The following RHOT1 variants were observed in gnomAD, a reference collection of about 807,000 sequenced individuals.
RHOT1 encodes ras homolog family member T1, also known as mitochondrial Rho GTPase 1.
RHOT1 carries 27 observed loss-of-function variants against 95.3 expected under a neutral mutation model. The ratio of observed to expected loss-of-function variants is 0.28; its 90% confidence interval spans 0.21 to 0.39. RHOT1 has a LOEUF of 0.39. RHOT1 is among the 10% of genes least tolerant of loss of function. The probability of loss-of-function intolerance (pLI) is 1.00; values close to 1 mark genes in which losing one functional copy is unlikely to be tolerated. For synonymous variants in RHOT1, 227 were observed against 263.5 expected (o/e 0.86, Z 1.34); for missense variants, 578 against 786.7 (o/e 0.73, Z 3.17).
At chr17:32,156,961 A>G (rs2033029192) in intron 1 of RHOT1, among the ~76,000 whole-genome samples, 1 of 152,262 alleles carries the variant, frequency 6.6e-6, no homozygotes, top group East Asian at 1.9e-4. Flanking sequence ...CCAGTATTTT[A>G]TAGATGAATA....
intron 14 of RHOT1, 68 bp downstream of exon 14, chr17:32,201,124 C>A: frequency 1.1e-6 from 1 of 925,820 alleles, no homozygotes; most frequent in Non-Finnish European, 1.7e-6. Context: ...TCAAATGTAA[C>A]AAAGAGTAAG....
chr17:32,150,631 C>A lies in RHOT1; in HGVS notation c.37+7902C>A, dbSNP rs1348175707. 6.3e-6 allele frequency: 10 copies of A among 1,590,970 alleles called. No individual in the cohort carries two copies. In the Admixed American group the frequency reaches 1.4e-4, roughly 22 times the overall value. On this transcript the variant is annotated intron_variant, in intron 1 of 19. Transcript: ENST00000545287. ...TGTGAGTGAGAGATACTGATACAGACAGTGGAAAGAAGAGCTGGATATCTC... is the reference window on the plus strand; with the variant it reads ...TGTGAGTGAGAGATACTGATACAGAAAGTGGAAAGAAGAGCTGGATATCTC...
At chr17:32,218,502 G>A (rs1280107412) in intron 19 of RHOT1, among the ~76,000 whole-genome samples, 2 of 140,002 alleles carry the variant, frequency 1.4e-5, no homozygotes, top group Admixed American at 1.4e-4. Context: ...ATGAGATCCT[G>A]TCTGAAAAAA....
chr17:32,187,822 G>A (rs901547987), intron 8 of RHOT1, among the ~76,000 whole-genome samples: 3 of 152,284 alleles, frequency 2.0e-5, no homozygotes, highest in African/African-American at 4.8e-5. Context: ...GCCTGCCTTG[G>A]CCTTTCAAAG....
chr17:32,219,705 C>T (rs190788874), intron 19 of RHOT1, among the ~76,000 whole-genome samples: 3 of 152,330 alleles, frequency 2.0e-5, no homozygotes, highest in East Asian at 1.9e-4. Context: ...GAGAACTTGA[C>T]GTCTGATACA....
intron 1 of RHOT1, among the ~76,000 whole-genome samples, chr17:32,165,908 GGT>G (rs1391313325): frequency 6.6e-6 from 1 of 152,084 alleles, no homozygotes; most frequent in African/African-American, 2.4e-5. Context: ...TTATAGGCTA[GGT>G]GTGGTGGTGC....
At chr17:32,221,105 C>T (rs564616793) in intron 19 of RHOT1, 15 of 952,800 alleles carry the variant, frequency 1.6e-5, no homozygotes, top group African/African-American at 1.1e-4. Context: ...TGGTGGCTCA[C>T]GCCTGTAATC....
intron 19 of RHOT1, among the ~76,000 whole-genome samples, chr17:32,218,054 G>A (rs2038592244): frequency 6.6e-6 from 1 of 151,744 alleles, no homozygotes; most frequent in South Asian, 2.1e-4. Flanking sequence ...AGTAGAGACG[G>A]GTTTCACCAT....
At chr17:32,198,869 T>G in intron 11 of RHOT1, 78 bp from the exon 12 acceptor site, 1 of 926,076 alleles carries the variant, frequency 1.1e-6, no homozygotes, top group East Asian at 2.6e-5. Context: ...CACAAAAGAC[T>G]TGTTGCAATT....
intron 6 of RHOT1, among the ~76,000 whole-genome samples, chr17:32,182,151 G>A (rs1271427738): frequency 6.6e-6 from 1 of 152,000 alleles, no homozygotes; most frequent in Non-Finnish European, 1.5e-5. Context: ...TACTGAATTG[G>A]AAATTATTTT....
At position 32,225,481 on chromosome 17, in the gene RHOT1, G is replaced by A. The variant is rs1348574017; in HGVS notation, c.*748G>A. ...TACCAATGTTTTTAGTTTAAATAAA[G>A]AGTCACCCTTACTACTGTTGAATTT... On this transcript the variant is annotated 3_prime_UTR_variant, in exon 20 of 20. Transcript: ENST00000545287. 2.0e-5 allele frequency: 3 copies of A among 147,510 alleles called. No homozygotes were observed. The highest frequency in any genetic ancestry group is 7.3e-5 in the African/African-American group (3 of 41,058). 9.1% of individuals were successfully genotyped at this position (147,510 alleles called of 1,614,324 possible). A position where few individuals can be genotyped will look rare whatever the true frequency, so the allele number is the denominator to read the frequency against.
chr17:32,170,997 T>C, intron 1 of RHOT1, 46 bp from the exon 2 acceptor site: 1 of 1,407,504 alleles, frequency 7.1e-7, no homozygotes, highest in Non-Finnish European at 9.9e-7. Flanking sequence ...TTTGAGCTTA[T>C]GTAGAACCTA....
chr17:32,207,345 T>A, intron 17 of RHOT1: 1 of 227,030 alleles, frequency 4.4e-6, no homozygotes, highest in Non-Finnish European at 8.6e-6. Context: ...AAAAGAGTAG[T>A]ACATATGGAT....
chr17:32,208,411 C>A, intron 18 of RHOT1, 102 bp downstream of exon 18: 3 of 1,157,798 alleles, frequency 2.6e-6, no homozygotes, highest in Non-Finnish European at 3.8e-6. Flanking sequence ...AATTGTTCAG[C>A]AACAGAAAGA....
intron 4 of RHOT1, among the ~76,000 whole-genome samples, chr17:32,175,614 G>A (rs1229923589): frequency 6.6e-6 from 1 of 152,068 alleles, no homozygotes; most frequent in Admixed American, 6.6e-5. Flanking sequence ...GCACCACCAT[G>A]CCCAGCTAAT....
In RHOT1 at chr17:32,171,072, T is replaced by A; in HGVS notation, c.67T>A (p.Ser23Thr). The A allele has an allele frequency of 6.2e-7, 1 of 1,604,954 alleles. No individual in the cohort carries two copies. Among genetic ancestry groups the A allele is most frequent in the Non-Finnish European group, 8.5e-7 (1 of 1,175,516 alleles). The change falls in exon 2 of 20, where the codon TCT (serine) becomes ACT (threonine). Residue 23 changes from serine to threonine, a missense_variant. Coordinates refer to ENST00000545287, the MANE Select transcript of RHOT1 (RefSeq NM_001033566.3). Reference protein sequence around the residue: ...PRVGKTSLIMSLVSEEFPEEV... With the variant: ...PRVGKTSLIMTLVSEEFPEEV... ...AGTTGGGAAGACATCACTGATTATGTCTCTGGTCAGTGAAGAATTTCCAGA... is the reference window on the plus strand; with the variant it reads ...AGTTGGGAAGACATCACTGATTATGACTCTGGTCAGTGAAGAATTTCCAGA...
intron 19 of RHOT1, among the ~76,000 whole-genome samples, chr17:32,222,262 A>G (rs1415377747): frequency 2.6e-5 from 4 of 152,206 alleles, no homozygotes; most frequent in Non-Finnish European, 1.5e-5. Flanking sequence ...TCATAGGTCC[A>G]TGGCGGTCTG....
At position 32,208,299 on chromosome 17, in the gene RHOT1, G is replaced by T. The variant is rs1263225187; in HGVS notation, c.1729G>T (p.Ala577Ser). Residue 577 changes from alanine to serine, a missense_variant, in exon 18 of 20, where the codon GCC (alanine) becomes TCC (serine). This residue lies in a region of RHOT1 where 296 missense variants were observed against 338.5 expected (regional missense o/e 0.87). Transcript: ENST00000545287. ...TATCTTTGTTAAATTGACAACAATG[G>T]CCATGTATCCGTAAGTACTTGCTGT... ...KDIFVKLTTM[A>S]MYPHARLRCM... is the part of the protein sequence containing the mutation. 1.2e-6 allele frequency: 2 copies of T among 1,613,744 alleles called. No homozygotes were observed. The highest frequency in any genetic ancestry group is 2.2e-5 in the South Asian group (2 of 91,074).
intron 6 of RHOT1, among the ~76,000 whole-genome samples, chr17:32,178,240 G>C (rs2035193554): frequency 6.9e-6 from 1 of 144,326 alleles, no homozygotes; most frequent in Admixed American, 7.4e-5. Context: ...TGCCGAGTCT[G>C]GACTGTACTG....
Sources: gnomAD v4.1 joint callset for allele counts (sites outside exome capture counted in the v4.1 genomes callset) on GRCh38, gnomAD v4.1.1 for gene constraint, gnomAD v4.1.1 regional missense constraint, MANE v1.5 for transcripts, NCBI Gene and HGNC (gene_info 2026-07-23, HGNC 2026-07-21) for gene names.